BMP2K: variants seen among roughly 807,000 people sequenced by gnomAD.
BMP2K encodes the protein BMP-2-inducible protein kinase.
A neutral mutation model predicts 116.0 loss-of-function variants in BMP2K; 74 were observed. The observed-to-expected ratio is 0.64, with a 90% confidence interval of 0.53 to 0.77. The LOEUF (loss-of-function observed/expected upper bound fraction) is 0.77. Among genes scored for constraint, BMP2K ranks in the 30% least tolerant of loss-of-function variants. The pLI is 0.00. For synonymous variants in BMP2K, 486 were observed against 502.5 expected, an observed-to-expected ratio of 0.97 and a Z score of 0.44; for missense variants, 1,365 against 1,403.6, an observed-to-expected ratio of 0.97 and a Z score of 0.44.
Position 78,813,370 on chromosome 4 carries a change from A to G in BMP2K, c.179-12667A>G, listed in dbSNP as rs544605942. Among the ~76,000 whole-genome samples the G allele has an allele frequency of 3.3e-4, 50 of 152,296 alleles. 1 individual carries two copies. In the South Asian group the frequency reaches 0.01, roughly 31 times the overall value. On this transcript the variant is annotated intron_variant, in intron 1 of 15. Transcript: ENST00000502613. Reference sequence around the variant, plus strand: ...TCACTCTGTTCTTCACACAGTGGTCATATTAAAATTTGAGTCCAGTCATGC... The same window carrying G: ...TCACTCTGTTCTTCACACAGTGGTCGTATTAAAATTTGAGTCCAGTCATGC...
chr4:78,786,612 T>G (rs1002465139), intron 1 of BMP2K, among the ~76,000 whole-genome samples: 18 of 152,156 alleles, frequency 1.2e-4, no homozygotes, highest in African/African-American at 3.9e-4. Flanking sequence ...CATTTCTGTT[T>G]TTTAGCTTAT....
chr4:78,780,971 A>T (rs1326213136), intron 1 of BMP2K, among the ~76,000 whole-genome samples: 1 of 152,144 alleles, frequency 6.6e-6, no homozygotes, highest in Non-Finnish European at 1.5e-5. Context: ...GTAAAAACAG[A>T]GGTGTGAGGT....
At chr4:78,784,187 T>C (rs1479676417) in intron 1 of BMP2K, among the ~76,000 whole-genome samples, 1 of 152,228 alleles carries the variant, frequency 6.6e-6, no homozygotes, top group Non-Finnish European at 1.5e-5. Flanking sequence ...TTGTCAGAAC[T>C]TGAAGTAGTT....
intron 3 of BMP2K, among the ~76,000 whole-genome samples, chr4:78,834,619 A>G (rs1210188665): frequency 6.6e-6 from 1 of 152,198 alleles, no homozygotes; most frequent in South Asian, 2.1e-4. Flanking sequence ...ACAAACTTGC[A>G]AGCCATATTT....
intron 15 of BMP2K, among the ~76,000 whole-genome samples, chr4:78,899,846 T>A (rs1237262535): frequency 6.6e-6 from 1 of 152,046 alleles, no homozygotes; most frequent in African/African-American, 2.4e-5. Flanking sequence ...AGTTGAGATA[T>A]TAGCAACAGA....
chr4:78,853,414 T>C (rs1731351440), intron 7 of BMP2K, among the ~76,000 whole-genome samples: 1 of 152,188 alleles, frequency 6.6e-6, no homozygotes, highest in Non-Finnish European at 1.5e-5. Flanking sequence ...TCTTAGCTTT[T>C]GTTAACTCTC....
chr4:78,878,836 C>T lies in BMP2K; in HGVS notation c.1896C>T (p.Phe632=). The T allele has an allele frequency of 8.1e-6, 13 of 1,613,574 alleles. No individual in the cohort carries two copies. The highest frequency in any genetic ancestry group is 1.1e-5 in the Non-Finnish European group (13 of 1,179,774). ...SGWNPFGEDN[F]SKLTEEELLD... Reference sequence around the variant, plus strand: ...GGAATCCTTTTGGAGAGGATAATTTCTCTAAGTTAACAGAAGAGGAACTAT... The same window carrying T: ...GGAATCCTTTTGGAGAGGATAATTTTTCTAAGTTAACAGAAGAGGAACTAT... Residue 632 remains phenylalanine (F), a synonymous_variant, in exon 14 of 16, where the codon TTC becomes TTT. Coordinates refer to ENST00000502613, the MANE Select transcript of BMP2K (RefSeq NM_198892.2).
At chr4:78,812,580 C>T (rs748990067) in intron 1 of BMP2K, among the ~76,000 whole-genome samples, 1 of 152,168 alleles carries the variant, frequency 6.6e-6, no homozygotes, top group Non-Finnish European at 1.5e-5. Flanking sequence ...AAGTCTCCTT[C>T]CCCGGGGGAA....
intron 1 of BMP2K, among the ~76,000 whole-genome samples, chr4:78,825,343 T>C (rs1323574260): frequency 6.6e-6 from 1 of 152,258 alleles, no homozygotes; most frequent in African/African-American, 2.4e-5. Flanking sequence ...GTCTGTGTTT[T>C]GGATCATTTT....
intron 1 of BMP2K, among the ~76,000 whole-genome samples, chr4:78,813,773 AG>A (rs1729202618): frequency 6.6e-6 from 1 of 152,124 alleles, no homozygotes; most frequent in Non-Finnish European, 1.5e-5. Context: ...CAATTTTCCA[AG>A]GGACCATCTA....
chr4:78,836,908 T>C (rs1221941442), intron 3 of BMP2K, among the ~76,000 whole-genome samples: 1 of 152,208 alleles, frequency 6.6e-6, no homozygotes, highest in Non-Finnish European at 1.5e-5. Context: ...TTAGTTTGAA[T>C]CTTTCCTTTA....
chr4:78,868,102 A>G (rs1732143709), intron 10 of BMP2K, among the ~76,000 whole-genome samples: 1 of 152,144 alleles, frequency 6.6e-6, no homozygotes, highest in African/African-American at 2.4e-5. Context: ...GAGTCATACT[A>G]TACATACGTA....
chr4:78,910,648 C>A lies in BMP2K; in HGVS notation c.2101C>A (p.Gln701Lys). The A allele has an allele frequency of 6.4e-7, 1 of 1,560,960 alleles. No homozygotes were observed. ...EKKAEHSSIN[Q>K]ENGTANPIKN... ...GAAAGCTGAACATTCATCTATAAAT[C>A]AAGAAAATGGCACTGCAAACCCTAT... The change falls in exon 16 of 16, where the codon CAA becomes AAA. Residue 701 changes from glutamine (Q) to lysine (K), a missense_variant. Physicochemically the swap from Gln to Lys is moderately conservative, Grantham distance 53 (BLOSUM62 1). Transcript: ENST00000502613.
chr4:78,911,587 A>C lies in BMP2K; in HGVS notation c.3040A>C (p.Thr1014Pro). Reference sequence around the variant, plus strand: ...GAAGACTTTGAAGCCTACCTATCGCACTCCAGAGAGGGCTCGCAGGCACAA... The same window carrying C: ...GAAGACTTTGAAGCCTACCTATCGCCCTCCAGAGAGGGCTCGCAGGCACAA... ...TKKTLKPTYR[T>P]PERARRHKKV... Residue 1014 changes from threonine to proline, a missense_variant, in exon 16 of 16, where the codon ACT (threonine) becomes CCT (proline). Physicochemically the swap from Thr to Pro is conservative, Grantham distance 38. Transcript: ENST00000502613. 6.2e-7 allele frequency: 1 copy of C among 1,613,940 alleles called. No homozygotes were observed. Among genetic ancestry groups the C allele is most frequent in the Non-Finnish European group, 8.5e-7 (1 of 1,179,866 alleles).
At chr4:78,781,688 T>C (rs1285864747) in intron 1 of BMP2K, among the ~76,000 whole-genome samples, 1 of 152,100 alleles carries the variant, frequency 6.6e-6, no homozygotes, top group East Asian at 1.9e-4. Flanking sequence ...TATAGTGCAT[T>C]GGTCTCAGAC....
At position 78,784,358 on chromosome 4, in the gene BMP2K, T is replaced by TC. The variant is rs201070686; in HGVS notation, c.178+7639dup. Among the ~76,000 whole-genome samples the TC allele has an allele frequency of 1.0e-2, 1,523 of 152,328 alleles. 11 individuals are homozygous for TC. Among genetic ancestry groups the TC allele is most frequent in the Middle Eastern group, 0.031 (9 of 294 alleles). ...TCTCCAAAAGATTGGGACTGTTTAT[T>TC]CCTTTGTTTTATCTTGCATGCATCT... On this transcript the variant is annotated intron_variant, in intron 1 of 15. Coordinates refer to ENST00000502613, the MANE Select transcript of BMP2K (RefSeq NM_198892.2).
chr4:78,854,405 C>T (rs1731402490), intron 7 of BMP2K, among the ~76,000 whole-genome samples: 1 of 152,026 alleles, frequency 6.6e-6, no homozygotes, highest in Admixed American at 6.6e-5. Flanking sequence ...TCCTGAGTAG[C>T]TGGGACTACA....
chr4:78,788,762 G>A (rs572481712), intron 1 of BMP2K, among the ~76,000 whole-genome samples: 1 of 151,690 alleles, frequency 6.6e-6, no homozygotes, highest in Non-Finnish European at 1.5e-5. Context: ...ATGGTTGGAA[G>A]TGCATTTGTA....
rs909362501 is a variant in BMP2K at position 78,839,885 on chromosome 4, T to C, written c.404-2500T>C. ...GCTGATTAGATTGTGCCCACCCAGA[T>C]TAAGGGTGGGTCTGCCTTTCCCGGC... On this transcript the variant is annotated intron_variant, in intron 3 of 15. Coordinates refer to ENST00000502613, the MANE Select transcript of BMP2K (RefSeq NM_198892.2). Among the ~76,000 whole-genome samples, 25 of 152,224 alleles carry C rather than the reference T, an allele frequency of 1.6e-4. No individual in the cohort carries two copies. The East Asian group carries it at 3.9e-3, about 24-fold the overall frequency.
Sources: allele counts gnomAD v4.1 joint callset (sites outside exome capture counted in the v4.1 genomes callset), GRCh38; gene constraint gnomAD v4.1.1; transcripts MANE v1.5; gene names NCBI Gene and HGNC (gene_info 2026-07-23, HGNC 2026-07-21).